Variants in SYN3 observed in about 807,000 individuals in gnomAD.
The protein encoded by SYN3 is synapsin III, also known as synapsin-3.
A neutral mutation model predicts 65.8 loss-of-function variants in SYN3; 35 were observed. The observed-to-expected ratio is 0.53, with a 90% CI of 0.41 to 0.70. The LOEUF (loss-of-function observed/expected upper bound fraction) is 0.70. Ranked by LOEUF, SYN3 falls within the 30% of genes least tolerant of loss-of-function variation. SYN3 has a pLI of 0.00. For missense variants in SYN3, 680 were observed against 749.0 expected (o/e 0.91, Z 1.08); for synonymous variants, 270 against 292.9 (o/e 0.92, Z 0.80).
At position 32,903,353 on chromosome 22, in the gene SYN3, C is replaced by T. The variant is rs148617185; in HGVS notation, c.461+28037G>A. On this transcript the variant is annotated intron_variant, in intron 4 of 13. Coordinates refer to ENST00000358763, the MANE Select transcript of SYN3 (RefSeq NM_003490.4). ...TGAGGTGATCTTTGTTTTACACATTCGTTTTTTTAAAAAATACCCATCTAA... is the reference window on the plus strand; with the variant it reads ...TGAGGTGATCTTTGTTTTACACATTTGTTTTTTTAAAAAATACCCATCTAA... Among the ~76,000 whole-genome samples, 302 of 152,274 alleles carry T rather than the reference C, an allele frequency of 2.0e-3. 1 individual carries two copies. Among genetic ancestry groups the T allele is most frequent in the South Asian group, 4.6e-3 (22 of 4,824 alleles).
At chr22:32,866,168 T>G (rs2048684696) in intron 5 of SYN3, among the ~76,000 whole-genome samples, 1 of 152,168 alleles carries the variant, frequency 6.6e-6, no homozygotes, top group Non-Finnish European at 1.5e-5. Flanking sequence ...AGGAATCAAC[T>G]GGAATTTGTG....
At chr22:33,041,165 C>T (rs897595976) in intron 1 of SYN3, among the ~76,000 whole-genome samples, 6 of 152,154 alleles carry the variant, frequency 3.9e-5, no homozygotes, top group African/African-American at 1.4e-4. Context: ...GGTCTGCCTG[C>T]CTCGGCCTCC....
At chr22:32,572,636 A>G (rs1473948718) in intron 7 of SYN3, among the ~76,000 whole-genome samples, 4 of 149,666 alleles carry the variant, frequency 2.7e-5, no homozygotes, top group African/African-American at 9.9e-5. Flanking sequence ...AGGCTGGAGT[A>G]CAATGGTGCA....
chr22:32,725,156 C>T (rs1459567257), intron 6 of SYN3, among the ~76,000 whole-genome samples: 1 of 152,042 alleles, frequency 6.6e-6, no homozygotes, highest in Non-Finnish European at 1.5e-5. Context: ...CAACACAACG[C>T]AACACAACAC....
At chr22:32,730,139 C>T (rs562049675) in intron 6 of SYN3, among the ~76,000 whole-genome samples, 8 of 152,292 alleles carry the variant, frequency 5.3e-5, no homozygotes, top group South Asian at 2.1e-4. Context: ...CCTAGTCTAC[C>T]GCCCTTAGAC....
At chr22:33,026,161 ATTGGGG>A (rs1296172986) in intron 1 of SYN3, among the ~76,000 whole-genome samples, 1 of 152,150 alleles carries the variant, frequency 6.6e-6, no homozygotes, top group Non-Finnish European at 1.5e-5. Flanking sequence ...CATTCATGCC[ATTGGGG>A]GTCTGTGTTG....
At chr22:32,665,110 G>A (rs2060273010) in intron 6 of SYN3, among the ~76,000 whole-genome samples, 1 of 141,102 alleles carries the variant, frequency 7.1e-6, no homozygotes, top group African/African-American at 2.7e-5. Context: ...GGATTCTCAT[G>A]TCTCAGCCTC....
At chr22:32,915,629 G>C (rs549236768) in intron 4 of SYN3, among the ~76,000 whole-genome samples, 1 of 152,244 alleles carries the variant, frequency 6.6e-6, no homozygotes, top group Non-Finnish European at 1.5e-5. Context: ...GCCCTGAGGA[G>C]AGAATATGCT....
chr22:32,605,377 G>A (rs1383942668), intron 6 of SYN3, among the ~76,000 whole-genome samples: 1 of 152,222 alleles, frequency 6.6e-6, no homozygotes, highest in Middle Eastern at 3.4e-3. Context: ...GGCAGCCGTC[G>A]AGGGTTTGGA....
intron 3 of SYN3, among the ~76,000 whole-genome samples, chr22:32,946,051 G>A (rs954996631): frequency 6.6e-6 from 1 of 151,516 alleles, no homozygotes; most frequent in African/African-American, 2.5e-5. Context: ...AACAGGTGCT[G>A]GAGAGGATGT....
rs2061001415 is a variant in SYN3, at chr22:32,713,856, A to G, written c.712-117120T>C. On this transcript the variant is annotated intron_variant, in intron 6 of 13. Coordinates refer to ENST00000358763, the MANE Select transcript of SYN3 (RefSeq NM_003490.4). The stretch of plus-strand genomic sequence containing the variant: ...AAAAAAAAAAAAAAAAAGAAAACAG[A>G]TATCCCAGGGAGCACCAAATCTGCA... Among the ~76,000 whole-genome samples the G allele has an allele frequency of 2.0e-5, 3 of 151,534 alleles. No homozygotes were observed. The South Asian group carries it at 6.3e-4, about 32-fold the overall frequency.
chr22:32,821,702 C>A (rs1383690073), intron 6 of SYN3, among the ~76,000 whole-genome samples: 1 of 152,174 alleles, frequency 6.6e-6, no homozygotes, highest in Non-Finnish European at 1.5e-5. Flanking sequence ...AAGCAGCTTC[C>A]AGGGGGTGGA....
intron 4 of SYN3, among the ~76,000 whole-genome samples, chr22:32,890,581 C>T (rs535135495): frequency 5.3e-5 from 8 of 151,966 alleles, no homozygotes; most frequent in Admixed American, 1.3e-4. Context: ...AGGGTTTCAC[C>T]GTGTTAGCCA....
In SYN3 at chr22:32,512,639, A is replaced by T. The variant is rs7289346; in HGVS notation, c.*1053T>A. On this transcript the variant is annotated 3_prime_UTR_variant, in exon 14 of 14. Transcript: ENST00000358763. ...TATACAATGCGTCTCCAAAAAAAGAAATACAAACAGCGGTTCCTAAACATA... is the reference window on the plus strand; with the variant it reads ...TATACAATGCGTCTCCAAAAAAAGATATACAAACAGCGGTTCCTAAACATA... 550 of 152,382 alleles carry T rather than the reference A, an allele frequency of 3.6e-3. 1 individual carries two copies. The highest frequency in any genetic ancestry group is 0.013 in the African/African-American group (521 of 41,596). The allele number at this position is 152,382 out of a possible 1,614,324, so 9.4% of individuals were successfully genotyped here.
intron 6 of SYN3, among the ~76,000 whole-genome samples, chr22:32,609,772 G>C (rs1049058086): frequency 2.0e-5 from 3 of 152,124 alleles, no homozygotes; most frequent in Middle Eastern, 3.2e-3. Context: ...GATTACAGGT[G>C]TGAGCCACTG....
At chr22:32,671,181 G>A (rs1231262662) in intron 6 of SYN3, among the ~76,000 whole-genome samples, 1 of 152,052 alleles carries the variant, frequency 6.6e-6, no homozygotes, top group Non-Finnish European at 1.5e-5. Flanking sequence ...GGGTTAGGGT[G>A]CTAGGGATCC....
chr22:32,868,990 G>A lies in SYN3; in HGVS notation c.597C>T (p.Tyr199=), dbSNP rs2048764764. The change falls in exon 5 of 14, where the codon TAC becomes TAT. Residue 199 remains tyrosine, a synonymous_variant. Transcript: ENST00000358763. ...LPAVNSLYSV[Y]NFCSKPWVFS... is the part of the protein sequence containing the mutation. ...CCACCCAGGGCTTGCTGCAGAAGTT[G>A]TAGACGGAGTAGAGAGAGTTGACAG... 3 of 1,614,024 alleles carry A rather than the reference G, an allele frequency of 1.9e-6. No individual in the cohort carries two copies. The highest frequency in any genetic ancestry group is 2.5e-6 in the Non-Finnish European group (3 of 1,179,976).
intron 3 of SYN3, among the ~76,000 whole-genome samples, chr22:32,966,415 G>A (rs1005787370): frequency 1.3e-5 from 2 of 152,158 alleles, no homozygotes; most frequent in African/African-American, 4.8e-5. Context: ...TGAGACCGAA[G>A]TCTAAGGTAG....
chr22:32,662,079 C>T (rs1169639086), intron 6 of SYN3, among the ~76,000 whole-genome samples: 3 of 152,298 alleles, frequency 2.0e-5, no homozygotes, highest in African/African-American at 4.8e-5. Flanking sequence ...TGTGGGGACA[C>T]GTGCAAAATC....
Sources: gnomAD v4.1 joint callset for allele counts (sites outside exome capture counted in the v4.1 genomes callset) on GRCh38, gnomAD v4.1.1 for gene constraint, MANE v1.5 for transcripts, NCBI Gene and HGNC (gene_info 2026-07-23, HGNC 2026-07-21) for gene names.